Variants in PSPC1 observed in about 807,000 individuals in gnomAD.
The protein encoded by PSPC1 is paraspeckle protein 1.
Under a neutral mutation model 51.6 loss-of-function variants are expected in PSPC1, and 14 were observed. The ratio of observed to expected loss-of-function variants is 0.27; its 90% confidence interval spans 0.18 to 0.42. The LOEUF is 0.42. PSPC1 is among the 10% of genes least tolerant of loss of function. PSPC1 has a pLI of 1.00. For missense variants in PSPC1, 406 were observed against 701.1 expected, an observed-to-expected ratio of 0.58 and a Z score of 4.75; for synonymous variants, 193 against 231.9, an observed-to-expected ratio of 0.83 and a Z score of 1.53.
chr13:19,779,431 G>A (rs1236310325), intron 1 of PSPC1, among the ~76,000 whole-genome samples: 91 of 57,632 alleles, frequency 1.6e-3, no homozygotes, highest in South Asian at 2.3e-3. Context: ...GGTGAGGGGC[G>A]CCTCTGCCCG....
At chr13:19,745,692 T>C (rs1885902375) in intron 4 of PSPC1, among the ~76,000 whole-genome samples, 2 of 150,656 alleles carry the variant, frequency 1.3e-5, no homozygotes, top group African/African-American at 4.9e-5. Flanking sequence ...TGATCTCGGC[T>C]CACTGCAACC....
chr13:19,696,278 T>C (rs1879225275), intron 6 of PSPC1, among the ~76,000 whole-genome samples: 1 of 152,180 alleles, frequency 6.6e-6, no homozygotes, highest in African/African-American at 2.4e-5. Context: ...ATTTCCTACA[T>C]ATAGATATTC....
downstream of PSPC1, chr13:19,671,378 C>G (rs1876117588): frequency 8.7e-7 from 1 of 1,152,626 alleles, no homozygotes; most frequent in Non-Finnish European, 1.3e-6. Flanking sequence ...TTCCAAGAAT[C>G]CTGGTGTACC....
chr13:19,729,358 G>T (rs761281601), intron 6 of PSPC1, among the ~76,000 whole-genome samples: 24 of 151,936 alleles, frequency 1.6e-4, no homozygotes, highest in Non-Finnish European at 2.6e-4. Flanking sequence ...CCAATATAGT[G>T]AAACCCCGTC....
chr13:19,776,080 G>C (rs189188944), intron 1 of PSPC1, among the ~76,000 whole-genome samples: 1 of 151,918 alleles, frequency 6.6e-6, no homozygotes, highest in Non-Finnish European at 1.5e-5. Context: ...ATGAGAATAG[G>C]AAGAAATATG....
intron 4 of PSPC1, among the ~76,000 whole-genome samples, chr13:19,744,803 T>C (rs537833623): frequency 6.6e-6 from 1 of 152,274 alleles, no homozygotes; most frequent in African/African-American, 2.4e-5. Flanking sequence ...AACCTTGTGA[T>C]CCACCCGCCT....
rs1205735724 is a variant in PSPC1, at chr13:19,677,105, C to T, written c.*76+619G>A. Among the ~76,000 whole-genome samples, 19 of 151,948 alleles carry T rather than the reference C, an allele frequency of 1.3e-4. 1 individual carries two copies. Among genetic ancestry groups the T allele is most frequent in the Admixed American group, 9.8e-4 (15 of 15,280 alleles). On this transcript the variant is annotated intron_variant and NMD_transcript_variant, in intron 7 of 7. Coordinates refer to the PSPC1 transcript ENST00000471658. ...AAAATTAGCCGGGCATGGTGGCAGG[C>T]GCCTGTGGTCCCAGCTACTCGGGAG...
downstream of PSPC1, among the ~76,000 whole-genome samples, chr13:19,698,207 C>T (rs192822421): frequency 3.9e-3 from 587 of 151,792 alleles, 2 homozygotes; most frequent in Middle Eastern, 0.01. Flanking sequence ...TAATTCCTTA[C>T]ATGAGATGTA....
chr13:19,694,170 TACACACATACAC>T (rs1878937769), intron 6 of PSPC1, among the ~76,000 whole-genome samples: 1 of 120,870 alleles, frequency 8.3e-6, no homozygotes, highest in South Asian at 2.8e-4. Flanking sequence ...TATATATACA[TACACACATACAC>T]ACACACACAC....
chr13:19,698,255 A>C (rs1879475794), downstream of PSPC1, among the ~76,000 whole-genome samples: 1 of 152,006 alleles, frequency 6.6e-6, no homozygotes, highest in South Asian at 2.1e-4. Flanking sequence ...TCTTGGTGTA[A>C]TAAAGAGCTA....
intron 2 of PSPC1, among the ~76,000 whole-genome samples, chr13:19,767,911 G>A (rs1187232402): frequency 6.6e-6 from 1 of 152,082 alleles, no homozygotes; most frequent in Non-Finnish European, 1.5e-5. Flanking sequence ...TGCTCTTTGA[G>A]GGTCACTGTT....
chr13:19,730,962 A>AAC lies in PSPC1; in HGVS notation c.1053-619_1053-618insGT, dbSNP rs1555236467. Among the ~76,000 whole-genome samples, 113 of 19,812 alleles carry AAC rather than the reference A, an allele frequency of 5.7e-3. 1 individual carries two copies. Among genetic ancestry groups the AAC allele is most frequent in the African/African-American group, 7.4e-3 (98 of 13,276 alleles). The allele number at this position is 19,812 out of a possible 152,430, so 13.0% of individuals were successfully genotyped here. Reference sequence around the variant, plus strand: ...CCTGTCTCAGAAAAAAAAAACAAAAAAACAAAAAAAAAAAAAACAGAAAAA... The same window carrying AAC: ...CCTGTCTCAGAAAAAAAAAACAAAAAACAACAAAAAAAAAAAAAACAGAAAAA... On this transcript the variant is annotated intron_variant, in intron 5 of 8. Transcript: ENST00000338910.
intron 5 of PSPC1, among the ~76,000 whole-genome samples, chr13:19,738,113 A>T (rs1885037061): frequency 6.6e-6 from 1 of 152,174 alleles, no homozygotes; most frequent in Non-Finnish European, 1.5e-5. Context: ...TTAAATTAAA[A>T]ATAAAATACA....
At chr13:19,705,468 G>A (rs1189497660) in intron 8 of PSPC1, among the ~76,000 whole-genome samples, 194 bp downstream of exon 8, 2 of 151,628 alleles carry the variant, frequency 1.3e-5, no homozygotes, top group African/African-American at 2.4e-5. Context: ...CACCAGCCTC[G>A]GCAATAGTGC....
At chr13:19,737,173 C>T (rs189519403) in intron 5 of PSPC1, 6 of 152,296 alleles carry the variant, frequency 3.9e-5, no homozygotes, top group Admixed American at 6.5e-5. Flanking sequence ...GACATCCAAT[C>T]GACATAGTGC....
Position 19,719,052 on chromosome 13 carries a change from G to A in PSPC1, c.1159-9453C>T, listed in dbSNP as rs527766640. 2.7e-3 allele frequency among the ~76,000 whole-genome samples: 401 copies of A among 150,862 alleles called. 4 individuals carry two copies. The highest frequency in any genetic ancestry group is 0.011 in the South Asian group (51 of 4,688). On this transcript the variant is annotated intron_variant, in intron 6 of 8. Transcript: ENST00000338910. ...GCTATAATCATAGGTTCATGTCATA[G>A]ATTTGTCAAAACCCTCAGAATGTAC... is the stretch of plus-strand genomic sequence containing the variant.
intron 5 of PSPC1, among the ~76,000 whole-genome samples, chr13:19,732,655 C>A (rs1016539910): frequency 6.6e-6 from 1 of 152,092 alleles, no homozygotes; most frequent in African/African-American, 2.4e-5. Context: ...TGGCAGGGCG[C>A]GGTGGCTCAC....
chr13:19,700,665 T>C (rs566175913), downstream of PSPC1, among the ~76,000 whole-genome samples: 4 of 152,110 alleles, frequency 2.6e-5, no homozygotes, highest in Non-Finnish European at 5.9e-5. Flanking sequence ...TAATTACAAG[T>C]AGCACATGAA....
At chr13:19,771,530 G>C (rs1053639239) in intron 2 of PSPC1, among the ~76,000 whole-genome samples, 3 of 151,862 alleles carry the variant, frequency 2.0e-5, no homozygotes, top group African/African-American at 7.3e-5. Flanking sequence ...CTGCCTCCAG[G>C]GTTCAAGCAA....
Sources: gnomAD v4.1 joint callset for allele counts (sites outside exome capture counted in the v4.1 genomes callset) on GRCh38, gnomAD v4.1.1 for gene constraint, MANE v1.5 for transcripts, NCBI Gene and HGNC (gene_info 2026-07-23, HGNC 2026-07-21) for gene names.